The following ETV6 variants were observed in gnomAD, a reference collection of about 807,000 sequenced individuals.
The protein encoded by ETV6 is ETS variant transcription factor 6.
Under a neutral mutation model 51.1 loss-of-function variants are expected in ETV6, and 16 were observed. The ratio of observed to expected loss-of-function variants is 0.31; its 90% CI spans 0.21 to 0.48. The LOEUF (loss-of-function observed/expected upper bound fraction) is 0.48. Among genes scored for constraint, ETV6 ranks in the 20% least tolerant of loss-of-function variants. The pLI is 0.99. For synonymous variants in ETV6, 240 were observed against 224.1 expected (o/e 1.07, Z -0.64); for missense variants, 458 against 594.8 (o/e 0.77, Z 2.39).
chr12:11,698,430 G>C (rs1361909040), intron 1 of ETV6, among the ~76,000 whole-genome samples: 1 of 152,232 alleles, frequency 6.6e-6, no homozygotes, highest in Non-Finnish European at 1.5e-5. Flanking sequence ...GCTGTGTTCT[G>C]ATCTGAGGCT....
chr12:11,788,743 C>T (rs747564367), intron 2 of ETV6, among the ~76,000 whole-genome samples: 4 of 148,084 alleles, frequency 2.7e-5, no homozygotes, highest in Non-Finnish European at 4.5e-5. Flanking sequence ...TCTTAAATCA[C>T]GTGCTTGTAT....
intron 1 of ETV6, among the ~76,000 whole-genome samples, chr12:11,723,178 TTAAA>T (rs1385918525): frequency 6.6e-6 from 1 of 152,240 alleles, no homozygotes; most frequent in Non-Finnish European, 1.5e-5. Context: ...ATTGTGAGTA[TTAAA>T]TGAATTAATA....
At chr12:11,738,261 C>T (rs1865744585) in intron 1 of ETV6, among the ~76,000 whole-genome samples, 2 of 146,432 alleles carry the variant, frequency 1.4e-5, no homozygotes, top group African/African-American at 2.5e-5. Context: ...TCCTTCCTTC[C>T]TCTCTCTTTC....
At chr12:11,881,424 C>G (rs771646917) in intron 5 of ETV6, among the ~76,000 whole-genome samples, 14 of 152,190 alleles carry the variant, frequency 9.2e-5, no homozygotes, top group Non-Finnish European at 1.9e-4. Context: ...CTGCCGTAGA[C>G]TGGGTAGTTG....
intron 7 of ETV6, among the ~76,000 whole-genome samples, chr12:11,888,561 CCTGA>C (rs1202504624): frequency 1.3e-5 from 2 of 152,118 alleles, no homozygotes; most frequent in Non-Finnish European, 2.9e-5. Context: ...TGCCACCACA[CCTGA>C]CTAATTTTTG....
At chr12:11,797,925 T>C (rs543464087) in intron 2 of ETV6, among the ~76,000 whole-genome samples, 3 of 152,354 alleles carry the variant, frequency 2.0e-5, no homozygotes, top group Admixed American at 6.5e-5. Flanking sequence ...CTAGAATGCT[T>C]ATAATATAAG....
At chr12:11,888,241 T>C (rs897398016) in intron 7 of ETV6, among the ~76,000 whole-genome samples, 1 of 152,142 alleles carries the variant, frequency 6.6e-6, no homozygotes, top group East Asian at 1.9e-4. Flanking sequence ...TTTGCCTTTT[T>C]AATACCTACA....
Position 11,869,878 on chromosome 12 carries a change from C to T in ETV6, c.918C>T (p.Leu306=), listed in dbSNP as rs1448450172. The T allele has an allele frequency of 1.2e-6, 2 of 1,613,042 alleles. No homozygotes were observed. The highest frequency in any genetic ancestry group is 1.7e-5 in the Admixed American group (1 of 60,030). Residue 306 remains leucine, a synonymous_variant, in exon 5 of 8, where the codon CTC becomes CTT. Coordinates refer to ENST00000396373, the MANE Select transcript of ETV6 (RefSeq NM_001987.5). The surrounding 1 kb of genome is among the most constrained non-coding windows in gnomAD (Gnocchi z 5.0). The stretch of plus-strand genomic sequence containing the variant: ...ATAGGGAAGGGAAGCCCATCAACCT[C>T]TCTCATCGGGAAGACCTGGCTTACA... ...GLHREGKPIN[L]SHREDLAYMN...
chr12:11,688,770 C>G (rs1864687639), intron 1 of ETV6, among the ~76,000 whole-genome samples: 3 of 152,214 alleles, frequency 2.0e-5, no homozygotes, highest in Admixed American at 2.0e-4. Context: ...TCCTTGAGGT[C>G]TGGCTCTGGG....
At chr12:11,741,580 G>C (rs1195933525) in intron 1 of ETV6, among the ~76,000 whole-genome samples, 2 of 152,192 alleles carry the variant, frequency 1.3e-5, no homozygotes, top group Non-Finnish European at 2.9e-5. Flanking sequence ...CATGGGGGGA[G>C]CTGCAGAGGC....
At chr12:11,827,570 C>T (rs1234616035) in intron 2 of ETV6, among the ~76,000 whole-genome samples, 1 of 152,116 alleles carries the variant, frequency 6.6e-6, no homozygotes, top group Non-Finnish European at 1.5e-5. Context: ...TCCTGTCCAC[C>T]TCCACCTCCT....
chr12:11,862,033 C>T (rs769282264), intron 4 of ETV6, among the ~76,000 whole-genome samples: 20 of 152,214 alleles, frequency 1.3e-4, no homozygotes, highest in Non-Finnish European at 2.4e-4. Context: ...CATGTACTCT[C>T]TGTACTGATC....
intron 2 of ETV6, among the ~76,000 whole-genome samples, chr12:11,818,531 CAAAA>C (rs1221844259): frequency 6.2e-5 from 5 of 80,194 alleles, no homozygotes; most frequent in Admixed American, 1.2e-4. Flanking sequence ...GACTCTGTCT[CAAAA>C]AAAAAAAAAA....
chr12:11,697,966 G>A (rs1264102724), intron 1 of ETV6, among the ~76,000 whole-genome samples: 2 of 152,024 alleles, frequency 1.3e-5, no homozygotes, highest in Non-Finnish European at 2.9e-5. Flanking sequence ...ATCCAGAAAA[G>A]GCTGACTTGC....
chr12:11,824,014 C>T (rs1316755080), intron 2 of ETV6, among the ~76,000 whole-genome samples: 7 of 152,244 alleles, frequency 4.6e-5, no homozygotes, highest in Non-Finnish European at 8.8e-5. Flanking sequence ...CTTTCACTTA[C>T]TGCCACAAAA....
intron 1 of ETV6, among the ~76,000 whole-genome samples, chr12:11,730,663 G>C (rs1328631333): frequency 6.6e-6 from 1 of 152,192 alleles, no homozygotes; most frequent in East Asian, 1.9e-4. Flanking sequence ...GCAGAGAATG[G>C]TTTTGGCAAC....
intron 1 of ETV6, among the ~76,000 whole-genome samples, chr12:11,677,606 G>C (rs1028368989): frequency 1.2e-4 from 18 of 152,182 alleles, no homozygotes; most frequent in African/African-American, 3.6e-4. Context: ...GGATGTATGC[G>C]TATTGAGCAC....
intron 3 of ETV6, among the ~76,000 whole-genome samples, chr12:11,849,277 A>G (rs1042711884): frequency 1.3e-5 from 2 of 151,664 alleles, no homozygotes; most frequent in African/African-American, 4.9e-5. Context: ...CGCCCAACTA[A>G]TTTTTGTTTT....
At chr12:11,694,885 G>A (rs1176076547) in intron 1 of ETV6, among the ~76,000 whole-genome samples, 1 of 152,136 alleles carries the variant, frequency 6.6e-6, no homozygotes, top group Non-Finnish European at 1.5e-5. Context: ...CATGTCTTAT[G>A]TATCAGTTTA....
Sources: allele counts gnomAD v4.1 joint callset (sites outside exome capture counted in the v4.1 genomes callset), GRCh38; gene constraint gnomAD v4.1.1; non-coding constraint Gnocchi (gnomAD v3.1); transcripts MANE v1.5; gene names NCBI Gene and HGNC (gene_info 2026-07-23, HGNC 2026-07-21).